Variants in ATG16L2 observed in about 807,000 individuals in gnomAD.
ATG16L2 encodes autophagy related 16 like 2.
ATG16L2 carries 77 observed loss-of-function variants against 84.7 expected under a neutral mutation model. The ratio of observed to expected loss-of-function variants is 0.91; its 90% CI spans 0.76 to 1.10. The LOEUF is 1.10. Among genes scored for constraint, ATG16L2 ranks in the 50% least tolerant of loss-of-function variants. ATG16L2 has a pLI of 0.00. For synonymous variants in ATG16L2, 361 were observed against 342.8 expected (o/e 1.05, Z -0.59); for missense variants, 782 against 817.6 (o/e 0.96, Z 0.53).
Position 72,822,751 on chromosome 11 carries a change from C to A in ATG16L2, c.711-97C>A. 1 of 1,089,112 alleles carries A rather than the reference C, an allele frequency of 9.2e-7. No individual in the cohort carries two copies. 67.5% of individuals were successfully genotyped at this position (1,089,112 alleles called of 1,614,324 possible). On this transcript the variant is annotated intron_variant, in intron 6 of 17. Transcript: ENST00000321297. This position sits in a 1 kb window ranked among gnomAD's most constrained non-coding sequence, Gnocchi z 4.2. ...CACGTGTACACCCACACAGAACCCTCATCACTGGGAATTCCTGTCTTCAGC... is the reference window on the plus strand; with the variant it reads ...CACGTGTACACCCACACAGAACCCTAATCACTGGGAATTCCTGTCTTCAGC...
At position 72,827,308 on chromosome 11, in the gene ATG16L2, C is replaced by A. The variant is rs754143741; in HGVS notation, c.1472+15C>A. ...TGGGACAGCAGGTGACAGGCGCAGG[C>A]TGGGGGAGGACTTGGGGAGGGCTGG... On this transcript the variant is annotated intron_variant, in intron 14 of 17. Coordinates refer to ENST00000321297, the MANE Select transcript of ATG16L2 (RefSeq NM_033388.2). The A allele has an allele frequency of 3.1e-6, 5 of 1,602,486 alleles. No homozygotes were observed. In the Admixed American group the frequency reaches 6.7e-5, roughly 21 times the overall value.
rs1180222599 is a variant in ATG16L2, at chr11:72,828,771, G to A, written c.1665G>A (p.Val555=). ...FKCGSDWTKA[V]FSPDRSYALA... ...GTGGTTCTGACTGGACCAAAGCTGT[G>A]TTCAGGTATGTCCGTGAGAGCATAT... Residue 555 remains valine, a synonymous_variant, in exon 16 of 18, where the codon GTG becomes GTA. Coordinates refer to ENST00000321297, the MANE Select transcript of ATG16L2 (RefSeq NM_033388.2). 6.2e-7 allele frequency: 1 copy of A among 1,614,194 alleles called. No individual in the cohort carries two copies. Among genetic ancestry groups the A allele is most frequent in the East Asian group, 2.2e-5 (1 of 44,884 alleles).
chr11:72,835,403 AGGAGAGG>A, intron 5 of ATG16L2, among the ~76,000 whole-genome samples: 1 of 122,802 alleles, frequency 8.1e-6, no homozygotes, highest in Non-Finnish European at 1.9e-5. Flanking sequence ...GAGAAAAGGC[AGGAGAGG>A]TGGTGGTGAG....
chr11:72,839,346 AGAG>A (rs1301552086), intron 5 of ATG16L2, among the ~76,000 whole-genome samples: 25 of 152,342 alleles, frequency 1.6e-4, no homozygotes, highest in African/African-American at 5.1e-4. Flanking sequence ...TGTAGGCAAA[AGAG>A]GAGTTTTTGG....
chr11:72,832,029 C>CT (rs1860617697), downstream of ATG16L2, among the ~76,000 whole-genome samples: 1 of 152,200 alleles, frequency 6.6e-6, no homozygotes, highest in South Asian at 2.1e-4. Context: ...CTCCCTACAT[C>CT]TTCACCCTTT....
downstream of ATG16L2, among the ~76,000 whole-genome samples, chr11:72,832,869 A>T (rs1860637226): frequency 6.6e-6 from 1 of 152,138 alleles, no homozygotes; most frequent in South Asian, 2.1e-4. Flanking sequence ...TTCCTGGGAG[A>T]TCTTGGGCAG....
At chr11:72,821,213 C>T in intron 3 of ATG16L2, 1 of 990,592 alleles carries the variant, frequency 1.0e-6, no homozygotes, top group South Asian at 4.4e-5. Context: ...AGTGGCAGTA[C>T]CAGCCTCCTG....
intron 13 of ATG16L2, 84 bp downstream of exon 13, chr11:72,826,907 G>C: frequency 6.7e-7 from 1 of 1,501,786 alleles, no homozygotes; most frequent in African/African-American, 1.4e-5. Context: ...CCTGCTCTCT[G>C]GGAGTGGCTC....
chr11:72,833,121 G>A (rs1860642144), downstream of ATG16L2, among the ~76,000 whole-genome samples: 1 of 152,208 alleles, frequency 6.6e-6, no homozygotes, highest in Non-Finnish European at 1.5e-5. Context: ...GCTTCAGTCT[G>A]CTGTTGCGCT....
In ATG16L2 at chr11:72,829,419, C is replaced by G; in HGVS notation, c.*29C>G. 1 of 1,600,046 alleles carries G rather than the reference C, an allele frequency of 6.2e-7. No homozygotes were observed. The highest frequency in any genetic ancestry group is 8.5e-7 in the Non-Finnish European group (1 of 1,171,858). On this transcript the variant is annotated 3_prime_UTR_variant, in exon 18 of 18. Transcript: ENST00000321297. ...CACGACCTGCCTGCCTGGGCTGGAG[C>G]TCTTGCCCGAAGCCTGAAGCTTCCT...
chr11:72,822,566 C>T lies in ATG16L2; in HGVS notation c.710+23C>T, dbSNP rs1860075177. 1 of 1,608,952 alleles carries T rather than the reference C, an allele frequency of 6.2e-7. No homozygotes were observed. Among genetic ancestry groups the T allele is most frequent in the Non-Finnish European group, 8.5e-7 (1 of 1,177,934 alleles). On this transcript the variant is annotated intron_variant, in intron 6 of 17. Transcript: ENST00000321297. This position sits in a 1 kb window ranked among gnomAD's most constrained non-coding sequence, Gnocchi z 4.2. ...CGAGTAAGAGTGGGGATGGGCCGGT[C>T]CGACCCTTGCGTTCTGCCTCCCGCC...
intron 9 of ATG16L2, among the ~76,000 whole-genome samples, 196 bp from the exon 10 acceptor site, chr11:72,825,106 T>C (rs948691100): frequency 6.5e-4 from 99 of 152,176 alleles, no homozygotes; most frequent in African/African-American, 2.4e-3. Context: ...CGGAGGCTGC[T>C]GCAGGGGTCC....
At chr11:72,830,959 A>G (rs1331802076), downstream of ATG16L2, among the ~76,000 whole-genome samples, 2 of 152,140 alleles carry the variant, frequency 1.3e-5, no homozygotes, top group Non-Finnish European at 2.9e-5. Context: ...TGCATCTCAG[A>G]CATGCTTTTC....
intron 11 of ATG16L2, 30 bp downstream of exon 11, chr11:72,826,273 T>C (rs1159908738): frequency 1.2e-6 from 2 of 1,608,824 alleles, no homozygotes; most frequent in South Asian, 1.1e-5. Flanking sequence ...TGGCATGGGA[T>C]TGTGCCCTCT....
chr11:72,824,111 G>C lies in ATG16L2; in HGVS notation c.876G>C (p.Lys292Asn). ...LTLSHCVDVV[K>N]GLLDFKKRRG... ...TGTCCCACTGTGTGGATGTGGTGAA[G>C]GGGCTTCTGGAGTAAGTGTGTGTGT... The change falls in exon 8 of 18, where the codon AAG (lysine) becomes AAC (asparagine). Residue 292 changes from lysine to asparagine, a missense_variant. Physicochemically the swap from Lys to Asn is moderately conservative, Grantham distance 94 (BLOSUM62 0). Transcript: ENST00000321297. 6.2e-7 allele frequency: 1 copy of C among 1,614,234 alleles called. No individual in the cohort carries two copies. Among genetic ancestry groups the C allele is most frequent in the Non-Finnish European group, 8.5e-7 (1 of 1,180,030 alleles).
At chr11:72,838,675 C>T (rs1860807241) in intron 5 of ATG16L2, 3 of 810,068 alleles carry the variant, frequency 3.7e-6, no homozygotes, top group Non-Finnish European at 6.1e-6. Flanking sequence ...ACATAATCCT[C>T]CTTGTTTTTT....
intron 11 of ATG16L2, 95 bp from the exon 12 acceptor site, chr11:72,826,422 CG>C: frequency 1.3e-6 from 2 of 1,522,824 alleles, no homozygotes; most frequent in Non-Finnish European, 1.8e-6. Flanking sequence ...TGACCTGGGC[CG>C]TGGGAAACTG....
intron 9 of ATG16L2, 94 bp from the exon 10 acceptor site, chr11:72,825,208 C>A: frequency 2.1e-6 from 2 of 936,276 alleles, no homozygotes; most frequent in Admixed American, 1.9e-5. Flanking sequence ...CTGCAGCAGG[C>A]TGTGTCTGCA....
chr11:72,843,266 C>A (rs535579271), exon 6 of ATG16L2: 2 of 1,613,918 alleles, frequency 1.2e-6, no homozygotes, highest in Admixed American at 1.7e-5. Flanking sequence ...GGAGGCTGTT[C>A]GAGGTGGGAA....
Sources: allele counts gnomAD v4.1 joint callset (sites outside exome capture counted in the v4.1 genomes callset), GRCh38; gene constraint gnomAD v4.1.1; non-coding constraint Gnocchi (gnomAD v3.1); transcripts MANE v1.5; gene names NCBI Gene and HGNC (gene_info 2026-07-23, HGNC 2026-07-21).